DAB1: variants seen among roughly 807,000 people sequenced by gnomAD.
The protein encoded by DAB1 is DAB adaptor protein 1, also known as disabled homolog 1.
A neutral mutation model predicts 64.6 loss-of-function variants in DAB1; 15 were observed. That is an observed-to-expected ratio of 0.23 (90% CI 0.16 to 0.36). The LOEUF (loss-of-function observed/expected upper bound fraction) is 0.36. Among genes scored for constraint, DAB1 ranks in the 10% least tolerant of loss-of-function variants. The probability of loss-of-function intolerance (pLI) is 1.00; values close to 1 mark genes in which losing one functional copy is unlikely to be tolerated. For missense variants in DAB1, 596 were observed against 706.7 expected, an observed-to-expected ratio of 0.84 and a Z score of 1.78; for synonymous variants, 235 against 251.9, an observed-to-expected ratio of 0.93 and a Z score of 0.64.
At chr1:57,778,108 C>G (rs770586122) in intron 6 of DAB1, among the ~76,000 whole-genome samples, 9 of 152,000 alleles carry the variant, frequency 5.9e-5, no homozygotes, top group Non-Finnish European at 1.0e-4. Context: ...GCTTAGAATT[C>G]TCTAGTTGTT....
intron 6 of DAB1, among the ~76,000 whole-genome samples, chr1:57,806,782 G>A (rs1651382000): frequency 6.6e-6 from 1 of 152,004 alleles, no homozygotes; most frequent in South Asian, 2.1e-4. Flanking sequence ...ACCATTCTTT[G>A]GGTACTTTAC....
chr1:57,099,689 T>C (rs990344025), intron 4 of DAB1, among the ~76,000 whole-genome samples: 3 of 152,210 alleles, frequency 2.0e-5, no homozygotes, highest in African/African-American at 4.8e-5. Context: ...TATCTATACA[T>C]AAACTAGCAC....
intron 7 of DAB1, among the ~76,000 whole-genome samples, chr1:57,492,782 A>T (rs963059593): frequency 6.6e-6 from 1 of 152,120 alleles, no homozygotes; most frequent in African/African-American, 2.4e-5. Context: ...TCCAGTCACA[A>T]ATGACTTTTT....
At chr1:58,527,130 CAG>C in intron 2 of DAB1, 1 of 601,560 alleles carries the variant, frequency 1.7e-6, no homozygotes, top group South Asian at 2.1e-5. Context: ...TCTAGATTAA[CAG>C]AAATTACATA....
Position 57,655,013 on chromosome 1 carries a change from C to G in DAB1, n.552-5348G>C, listed in dbSNP as rs188985218. Among the ~76,000 whole-genome samples the G allele has an allele frequency of 1.9e-3, 294 of 152,288 alleles. 1 individual carries two copies. Among genetic ancestry groups the G allele is most frequent in the African/African-American group, 6.7e-3 (279 of 41,554 alleles). ...CCATTTATTTCTCATTTCATCATTT[C>G]TACTCTGAAATAATGCATCTGTGAT... On this transcript the variant is annotated intron_variant and non_coding_transcript_variant, in intron 6 of 20. Transcript: ENST00000485760.
intron 4 of DAB1, among the ~76,000 whole-genome samples, chr1:57,102,042 G>T (rs1313765563): frequency 6.6e-6 from 1 of 152,084 alleles, no homozygotes; most frequent in African/African-American, 2.4e-5. Context: ...TTTCAGCAAG[G>T]GCCCTTGCTC....
chr1:58,174,692 G>A (rs188928721), intron 4 of DAB1, among the ~76,000 whole-genome samples: 13 of 152,122 alleles, frequency 8.5e-5, no homozygotes, highest in Admixed American at 1.3e-4. Context: ...ACCAATCAGC[G>A]CTCTGTGTCT....
chr1:58,263,387 A>G (rs975742103), intron 4 of DAB1, among the ~76,000 whole-genome samples: 2 of 152,152 alleles, frequency 1.3e-5, no homozygotes, highest in Non-Finnish European at 2.9e-5. Flanking sequence ...TCCCTGAATC[A>G]CTTCTAGTGA....
rs192919978 is a variant in DAB1, at chr1:58,300,870, T to G, written n.309+42482A>C. On this transcript the variant is annotated intron_variant and non_coding_transcript_variant, in intron 4 of 20. Transcript: ENST00000485760. The stretch of plus-strand genomic sequence containing the variant: ...GGAATGGGCTTAAATCCCGCCCACA[T>G]GCACTCTGTTTGCCAAACTGAGGCC... 9.2e-5 allele frequency among the ~76,000 whole-genome samples: 14 copies of G among 152,216 alleles called. 1 individual carries two copies. The East Asian group carries it at 2.5e-3, about 27-fold the overall frequency.
intron 3 of DAB1, among the ~76,000 whole-genome samples, chr1:58,481,478 G>A (rs915719638): frequency 1.3e-5 from 2 of 152,048 alleles, no homozygotes; most frequent in East Asian, 3.8e-4. Flanking sequence ...TATGGTTTCA[G>A]TTAAACTCTA....
At chr1:57,391,872 T>G (rs1682406170) in intron 1 of DAB1, among the ~76,000 whole-genome samples, 1 of 151,920 alleles carries the variant, frequency 6.6e-6, no homozygotes, top group African/African-American at 2.4e-5. Flanking sequence ...AAAGTTGCAT[T>G]TTTTTAGGTA....
At chr1:57,891,787 T>C (rs1430407285) in intron 5 of DAB1, among the ~76,000 whole-genome samples, 1 of 151,440 alleles carries the variant, frequency 6.6e-6, no homozygotes, top group Admixed American at 6.6e-5. Context: ...TAAGTGGGAG[T>C]TGAACAAAGA....
intron 4 of DAB1, among the ~76,000 whole-genome samples, chr1:58,242,511 A>C (rs1026864300): frequency 1.3e-5 from 2 of 152,170 alleles, no homozygotes; most frequent in Non-Finnish European, 2.9e-5. Context: ...GTAGTTATAC[A>C]TCTAAAGAGA....
intron 3 of DAB1, among the ~76,000 whole-genome samples, chr1:58,492,614 A>C (rs1645717714): frequency 6.6e-6 from 1 of 152,204 alleles, no homozygotes; most frequent in African/African-American, 2.4e-5. Context: ...AATACAAACT[A>C]CCATCAGAGA....
chr1:57,016,591 C>T (rs924401887), intron 11 of DAB1, among the ~76,000 whole-genome samples: 8 of 147,626 alleles, frequency 5.4e-5, no homozygotes, highest in Admixed American at 2.0e-4. Flanking sequence ...ACACTTGTCT[C>T]TAAAAAAAAA....
At chr1:57,730,322 C>G (rs372734161) in intron 6 of DAB1, among the ~76,000 whole-genome samples, 73 of 152,306 alleles carry the variant, frequency 4.8e-4, no homozygotes, top group African/African-American at 1.4e-3. Flanking sequence ...AACTGTGGAG[C>G]AGGAACCTGG....
intron 6 of DAB1, among the ~76,000 whole-genome samples, chr1:57,812,395 A>G (rs1436714210): frequency 6.6e-6 from 1 of 151,982 alleles, no homozygotes; most frequent in East Asian, 1.9e-4. Context: ...AGAGACAAAG[A>G]AGGGGCCACA....
intron 1 of DAB1, among the ~76,000 whole-genome samples, chr1:57,318,584 T>G (rs900622857): frequency 6.6e-6 from 1 of 152,100 alleles, no homozygotes; most frequent in Non-Finnish European, 1.5e-5. Flanking sequence ...CTGCTTCCCC[T>G]TTGCCTCCCA....
chr1:57,944,146 C>T (rs1051738843), intron 5 of DAB1, among the ~76,000 whole-genome samples: 1 of 152,180 alleles, frequency 6.6e-6, no homozygotes, highest in Non-Finnish European at 1.5e-5. Context: ...ACTGGCTCCA[C>T]CAGTCTCACA....
Sources: gnomAD v4.1 joint callset for allele counts (sites outside exome capture counted in the v4.1 genomes callset) on GRCh38, gnomAD v4.1.1 for gene constraint, MANE v1.5 for transcripts, NCBI Gene and HGNC (gene_info 2026-07-23, HGNC 2026-07-21) for gene names.